Variants in COG8 observed in about 807,000 individuals in gnomAD.
COG8 encodes conserved oligomeric Golgi complex subunit 8.
Under a neutral mutation model 46.5 loss-of-function variants are expected in COG8, and 45 were observed. The ratio of observed to expected loss-of-function variants is 0.97; its 90% CI spans 0.76 to 1.24. The LOEUF is 1.24. Ranked by LOEUF, COG8 falls within the 50% of genes most tolerant of loss-of-function variation. The pLI is 0.00. For synonymous variants in COG8, 407 were observed against 347.8 expected (o/e 1.17, Z -1.90); for missense variants, 793 against 820.8 (o/e 0.97, Z 0.41).
Position 69,329,115 on chromosome 16 carries a change from C to G in COG8, c.*91G>C. 8 of 1,610,914 alleles carry G rather than the reference C, an allele frequency of 5.0e-6. No homozygotes were observed. Among genetic ancestry groups the G allele is most frequent in the Non-Finnish European group, 6.8e-6 (8 of 1,179,436 alleles). On this transcript the variant is annotated 3_prime_UTR_variant, in exon 6 of 6. Transcript: ENST00000306875. ...AGCCCTGCAGGTGGTCCATCTCGTG[C>G]TGGATGATGCGGGCTGCCCACCCGC... is the stretch of plus-strand genomic sequence containing the variant.
intron 5 of COG8, 81 bp downstream of exon 5, chr16:69,330,732 C>A: frequency 7.0e-7 from 1 of 1,419,210 alleles, no homozygotes; most frequent in South Asian, 1.5e-5. Flanking sequence ...CTCCCGGGAG[C>A]GCCTTCCCGC....
chr16:69,333,047 G>C (rs1248065397), intron 3 of COG8, among the ~76,000 whole-genome samples, 165 bp from the exon 4 acceptor site: 1 of 151,950 alleles, frequency 6.6e-6, no homozygotes, highest in East Asian at 1.9e-4. Context: ...TATGGTCATT[G>C]TCCACAATTG....
At chr16:69,330,001 G>A (rs1237189747) in intron 5 of COG8, 8 of 1,537,748 alleles carry the variant, frequency 5.2e-6, no homozygotes, top group Non-Finnish European at 1.8e-6. Context: ...CCGCACCTGA[G>A]ATCTGCACCG....
intron 1 of COG8, among the ~76,000 whole-genome samples, chr16:69,337,795 G>GC (rs1469994993): frequency 2.3e-4 from 35 of 149,642 alleles, no homozygotes; most frequent in African/African-American, 8.2e-4. Flanking sequence ...GCAGTGGCAC[G>GC]CATCATCTTG....
In COG8 at chr16:69,339,011, A is replaced by G. The variant is rs888621918; in HGVS notation, c.377+165T>C. On this transcript the variant is annotated intron_variant, in intron 1 of 5. Transcript: ENST00000306875. Reference sequence around the variant, plus strand: ...CCGTCTCAAAAAAGATAAAAAAGGAATAACAGTACCTATCTCGAAGGCTGT... The same window carrying G: ...CCGTCTCAAAAAAGATAAAAAAGGAGTAACAGTACCTATCTCGAAGGCTGT... 8.5e-6 allele frequency: 8 copies of G among 939,668 alleles called. No homozygotes were observed. In the Admixed American group the frequency reaches 1.1e-4, roughly 13 times the overall value. The allele number at this position is 939,668 out of a possible 1,614,324, so 58.2% of individuals were successfully genotyped here.
chr16:69,336,685 G>C lies in COG8; in HGVS notation c.405C>G (p.Ile135Met), dbSNP rs568491704. ...GGCTATTCATCCGGCGGTTGGAGCT[G>C]ATCTCCTCGGCTTCCTTCACAAAGT... is the stretch of plus-strand genomic sequence containing the variant. The part of the protein sequence containing the change: ...CRNFVKEAEE[I>M]SSNRRMNSLT... The change falls in exon 2 of 6, where the codon ATC (isoleucine) becomes ATG (methionine). Residue 135 changes from isoleucine to methionine, a missense_variant. Coordinates refer to ENST00000306875, the MANE Select transcript of COG8 (RefSeq NM_032382.5). 4 of 1,614,096 alleles carry C rather than the reference G, an allele frequency of 2.5e-6. No individual in the cohort carries two copies. The highest frequency in any genetic ancestry group is 1.7e-5 in the Admixed American group (1 of 60,022).
intron 5 of COG8, chr16:69,330,560 A>G: frequency 6.8e-7 from 1 of 1,466,270 alleles, no homozygotes. Context: ...CGCGCCCCAC[A>G]GCCGGGCCAT....
At chr16:69,339,129 T>C in intron 1 of COG8, 47 bp downstream of exon 1, 1 of 1,612,140 alleles carries the variant, frequency 6.2e-7, no homozygotes, top group South Asian at 1.1e-5. Flanking sequence ...ATCGTAAATG[T>C]CAGCTTTTAC....
In COG8 at chr16:69,335,351, G is replaced by A. The variant is rs1387620568; in HGVS notation, c.586-3C>T. 2 of 1,587,124 alleles carry A rather than the reference G, an allele frequency of 1.3e-6. No homozygotes were observed. ...TGGCGCACTTCGTTCACGATGCCCT[G>A]ACAATACACAGAGAGAGTCACACTG... On this transcript the variant is annotated splice_region_variant and splice_polypyrimidine_tract_variant and intron_variant, in intron 2 of 5. Coordinates refer to ENST00000306875, the MANE Select transcript of COG8 (RefSeq NM_032382.5).
intron 5 of COG8, chr16:69,329,905 C>T (rs1251372125): frequency 2.2e-6 from 3 of 1,380,442 alleles, no homozygotes; most frequent in Non-Finnish European, 1.9e-6. Flanking sequence ...GGAGGTCCGG[C>T]GTATGAACCG....
In COG8 at chr16:69,330,517, C is replaced by T. The variant is rs1439599723; in HGVS notation, c.*26+296G>A. 2.0e-6 allele frequency: 3 copies of T among 1,473,762 alleles called. No individual in the cohort carries two copies. In the South Asian group the frequency reaches 3.9e-5, roughly 19 times the overall value. The allele number at this position is 1,473,762 out of a possible 1,614,324, so 91.3% of individuals were successfully genotyped here. On this transcript the variant is annotated intron_variant, in intron 5 of 5. Transcript: ENST00000306875. The stretch of plus-strand genomic sequence containing the variant: ...CACCGACGGCTGCCGCCCCGCCCCA[C>T]GGCACGGCCGCCCACAGTGGCCAAA...
chr16:69,330,333 C>T, intron 5 of COG8: 2 of 1,455,490 alleles, frequency 1.4e-6, no homozygotes, highest in Non-Finnish European at 1.8e-6. Flanking sequence ...TCCACCGGGG[C>T]CGCCACGCCG....
chr16:69,328,926 G>A lies in COG8; in HGVS notation c.*280C>T, dbSNP rs1965688202. On this transcript the variant is annotated 3_prime_UTR_variant, in exon 6 of 6. Transcript: ENST00000306875. ...GGCAATCCAGTTTCCTGTCATATGC[G>A]AGCCATCCAAGTTGATGCCAAGTAA... is the stretch of plus-strand genomic sequence containing the variant. The A allele has an allele frequency of 2.7e-6, 4 of 1,476,012 alleles. No individual in the cohort carries two copies. Among genetic ancestry groups the A allele is most frequent in the Non-Finnish European group, 1.8e-6 (2 of 1,100,590 alleles). The allele number at this position is 1,476,012 out of a possible 1,614,324, so 91.4% of individuals were successfully genotyped here.
chr16:69,334,359 A>G (rs2012063716), intron 3 of COG8, among the ~76,000 whole-genome samples, 162 bp downstream of exon 3: 1 of 152,252 alleles, frequency 6.6e-6, no homozygotes, highest in African/African-American at 2.4e-5. Flanking sequence ...GGTCCCATGA[A>G]GGGCAACTGG....
Position 69,328,641 on chromosome 16 carries a change from C to T in COG8, c.*565G>A, listed in dbSNP as rs1965674809. ...AAATGGCCAGTCACATGCTTACCTG[C>T]ATTTTTAAAGACAGCTTTCAGGTAT... On this transcript the variant is annotated 3_prime_UTR_variant, in exon 6 of 6. Coordinates refer to ENST00000306875, the MANE Select transcript of COG8 (RefSeq NM_032382.5). The T allele has an allele frequency of 1.9e-5, 4 of 206,948 alleles. No homozygotes were observed. In the South Asian group the frequency reaches 3.0e-4, roughly 15 times the overall value. The allele number at this position is 206,948 out of a possible 1,614,324, so 12.8% of individuals were successfully genotyped here. A position where few individuals can be genotyped will look rare whatever the true frequency, so the allele number is the denominator to read the frequency against.
rs1461039462 is a variant in COG8 at position 69,326,603 on chromosome 16, T to G, written c.*2603A>C. Reference sequence around the variant, plus strand: ...AGCGTGAAGACACCTGACTTTCCAGTTGTCTCTCTCCATGACCAGCAACAG... The same window carrying G: ...AGCGTGAAGACACCTGACTTTCCAGGTGTCTCTCTCCATGACCAGCAACAG... On this transcript the variant is annotated 3_prime_UTR_variant, in exon 6 of 6. Transcript: ENST00000306875. The G allele has an allele frequency of 6.6e-6, 1 of 152,238 alleles. No individual in the cohort carries two copies. The allele number at this position is 152,238 out of a possible 1,614,324, so 9.4% of individuals were successfully genotyped here. A position where few individuals can be genotyped will look rare whatever the true frequency, so the allele number is the denominator to read the frequency against.
In COG8 at chr16:69,329,044, T is replaced by A. The variant is rs139585589; in HGVS notation, c.*162A>T. ...GCTTTAGTCATTCACCTTCATCCAA[T>A]AGACGTTTGTGAACGTCCTGCTGTC... On this transcript the variant is annotated 3_prime_UTR_variant, in exon 6 of 6. Coordinates refer to ENST00000306875, the MANE Select transcript of COG8 (RefSeq NM_032382.5). 1 of 1,610,768 alleles carries A rather than the reference T, an allele frequency of 6.2e-7. No individual in the cohort carries two copies. Among genetic ancestry groups the A allele is most frequent in the Admixed American group, 1.7e-5 (1 of 59,636 alleles).
intron 2 of COG8, 27 bp from the exon 3 acceptor site, chr16:69,335,375 T>G: frequency 6.5e-7 from 1 of 1,545,700 alleles, no homozygotes; most frequent in Non-Finnish European, 8.7e-7. Flanking sequence ...AGAGTCACAC[T>G]GCGCTGGGAA....
chr16:69,336,402 G>T, intron 2 of COG8, 103 bp downstream of exon 2: 1 of 1,058,800 alleles, frequency 9.4e-7, no homozygotes, highest in Non-Finnish European at 1.4e-6. Flanking sequence ...GGCAGAAACT[G>T]ATGTGAAACA....
Sources: allele counts gnomAD v4.1 joint callset (sites outside exome capture counted in the v4.1 genomes callset), GRCh38; gene constraint gnomAD v4.1.1; transcripts MANE v1.5; gene names NCBI Gene and HGNC (gene_info 2026-07-23, HGNC 2026-07-21).